The following ERCC6L2 variants were observed in gnomAD, a reference collection of about 807,000 sequenced individuals.
The protein encoded by ERCC6L2 is ERCC excision repair 6 like 2.
Under a neutral mutation model 132.0 loss-of-function variants are expected in ERCC6L2, and 77 were observed. The observed-to-expected ratio is 0.58, with a 90% CI of 0.49 to 0.71. ERCC6L2 has a LOEUF of 0.71. Ranked by LOEUF, ERCC6L2 falls within the 30% of genes least tolerant of loss-of-function variation. The pLI is 0.00. For synonymous variants in ERCC6L2, 583 were observed against 632.4 expected, an observed-to-expected ratio of 0.92 and a Z score of 1.17; for missense variants, 1,542 against 1,837.6, an observed-to-expected ratio of 0.84 and a Z score of 2.94.
intron 19 of ERCC6L2, among the ~76,000 whole-genome samples, chr9:96,036,996 G>A (rs1834528209): frequency 6.6e-6 from 1 of 151,586 alleles, no homozygotes. Context: ...TCGATCTCCT[G>A]ACCTCGTGAT....
intron 6 of ERCC6L2, among the ~76,000 whole-genome samples, chr9:95,918,928 C>T (rs377362941): frequency 6.6e-6 from 1 of 151,894 alleles, no homozygotes; most frequent in African/African-American, 2.4e-5. Flanking sequence ...AGTGCAGTGG[C>T]GTGATCTTGG....
intron 13 of ERCC6L2, among the ~76,000 whole-genome samples, chr9:95,957,921 C>T (rs1016616701): frequency 1.1e-4 from 17 of 151,150 alleles, no homozygotes; most frequent in Non-Finnish European, 5.9e-5. Flanking sequence ...TACATGTGCA[C>T]AATGTGCAGG....
At chr9:95,979,303 C>T (rs1188383264) in intron 17 of ERCC6L2, among the ~76,000 whole-genome samples, 1 of 152,148 alleles carries the variant, frequency 6.6e-6, no homozygotes, top group African/African-American at 2.4e-5. Context: ...TTCCAAATGG[C>T]TATCCTGGAC....
chr9:96,001,220 G>A (rs1217641738), intron 17 of ERCC6L2, among the ~76,000 whole-genome samples: 2 of 152,176 alleles, frequency 1.3e-5, no homozygotes, highest in Non-Finnish European at 2.9e-5. Context: ...ATTGCAAAGA[G>A]CGAAAGAACA....
At chr9:95,927,531 A>T (rs187627132) in intron 9 of ERCC6L2, among the ~76,000 whole-genome samples, 258 of 152,280 alleles carry the variant, frequency 1.7e-3, no homozygotes, top group African/African-American at 5.9e-3. Context: ...TTGAGGTCAA[A>T]ATCAAATCTG....
intron 17 of ERCC6L2, among the ~76,000 whole-genome samples, chr9:96,002,539 A>C (rs1343963504): frequency 6.6e-6 from 1 of 151,154 alleles, no homozygotes; most frequent in South Asian, 2.1e-4. Flanking sequence ...CTCCCACCTC[A>C]GCCTCCAGAG....
chr9:96,018,312 A>G lies in ERCC6L2; in HGVS notation c.*5109A>G, dbSNP rs1001670720. Among the ~76,000 whole-genome samples the G allele has an allele frequency of 4.6e-5, 7 of 152,318 alleles. No homozygotes were observed. Among genetic ancestry groups the G allele is most frequent in the East Asian group, 1.9e-4 (1 of 5,194 alleles). ...CACCTCTCCAGAATGTGTGTTATAT[A>G]CCAAATTTTGATGTATGTGAGATTG... On this transcript the variant is annotated 3_prime_UTR_variant, in exon 19 of 19. Transcript: ENST00000653738.
At chr9:95,904,720 G>A (rs1214229590) in intron 3 of ERCC6L2, among the ~76,000 whole-genome samples, 1 of 152,098 alleles carries the variant, frequency 6.6e-6, no homozygotes. Flanking sequence ...CACAAAAATT[G>A]TCACGTTAAT....
chr9:95,968,434 A>G (rs1024507242), intron 14 of ERCC6L2: 3 of 152,150 alleles, frequency 2.0e-5, no homozygotes, highest in African/African-American at 7.2e-5. Context: ...TTTGTCATCA[A>G]TCAGAATGTA....
intron 14 of ERCC6L2, chr9:95,968,749 C>G (rs1325412734): frequency 2.6e-5 from 4 of 152,020 alleles, no homozygotes; most frequent in African/African-American, 4.8e-5. Context: ...GTTCATTTTA[C>G]AAGTATTTGT....
intron 12 of ERCC6L2, among the ~76,000 whole-genome samples, chr9:95,942,722 A>T (rs1474464671): frequency 2.0e-5 from 3 of 152,202 alleles, no homozygotes; most frequent in Non-Finnish European, 4.4e-5. Context: ...ATGAACAGAG[A>T]CTGGAGGACG....
At chr9:95,959,397 T>TC in intron 13 of ERCC6L2, among the ~76,000 whole-genome samples, 1 of 151,962 alleles carries the variant, frequency 6.6e-6, no homozygotes, top group Admixed American at 6.6e-5. Flanking sequence ...GATTAAAGAC[T>TC]TAAACGTTAG....
chr9:95,991,888 T>G (rs956076079), intron 17 of ERCC6L2, among the ~76,000 whole-genome samples: 2 of 152,212 alleles, frequency 1.3e-5, no homozygotes, highest in Non-Finnish European at 2.9e-5. Context: ...TATAAAAATT[T>G]TACTGAAAGG....
intron 11 of ERCC6L2, among the ~76,000 whole-genome samples, chr9:95,938,353 C>T (rs1351702658): frequency 3.3e-5 from 5 of 151,848 alleles, no homozygotes; most frequent in South Asian, 4.2e-4. Context: ...GAGTGTTCTG[C>T]GTATGTCATT....
At chr9:96,039,608 G>A (rs1324284331) in intron 20 of ERCC6L2, among the ~76,000 whole-genome samples, 5 of 152,060 alleles carry the variant, frequency 3.3e-5, no homozygotes, top group Non-Finnish European at 4.4e-5. Context: ...CTCAACTTAC[G>A]GGGGAGTGGT....
At chr9:95,973,535 G>A (rs559416780) in intron 16 of ERCC6L2, among the ~76,000 whole-genome samples, 1 of 152,260 alleles carries the variant, frequency 6.6e-6, no homozygotes, top group African/African-American at 2.4e-5. Flanking sequence ...AGGCAGTGAG[G>A]AGCAAGTCAT....
Position 95,875,917 on chromosome 9 carries a change from A to G in ERCC6L2, c.-122A>G. 1 of 1,074,314 alleles carries G rather than the reference A, an allele frequency of 9.3e-7. No homozygotes were observed. Among genetic ancestry groups the G allele is most frequent in the Non-Finnish European group, 1.4e-6 (1 of 735,502 alleles). The allele number at this position is 1,074,314 out of a possible 1,614,324, so 66.5% of individuals were successfully genotyped here. ...TGTGGCTTCGGGTTGCCGAAGAGCG[A>G]TGCTCGGAGGGCGGCCGGAAGTGGC... On this transcript the variant is annotated 5_prime_UTR_variant, in exon 1 of 19. It removes an upstream start codon present in the reference 5' UTR. Transcript: ENST00000653738.
chr9:95,954,485 T>G (rs1831500575), intron 12 of ERCC6L2, among the ~76,000 whole-genome samples: 1 of 152,198 alleles, frequency 6.6e-6, no homozygotes, highest in Non-Finnish European at 1.5e-5. Context: ...GCTAATGACC[T>G]ACCTATCGTA....
intron 6 of ERCC6L2, among the ~76,000 whole-genome samples, chr9:95,916,684 CTT>C (rs1360979308): frequency 2.3e-4 from 32 of 137,212 alleles, no homozygotes; most frequent in Non-Finnish European, 2.7e-4. Flanking sequence ...TCATCAAAAC[CTT>C]TTTTTTTTTT....
Sources: gnomAD v4.1 joint callset for allele counts (sites outside exome capture counted in the v4.1 genomes callset) on GRCh38, gnomAD v4.1.1 for gene constraint, MANE v1.5 for transcripts, NCBI Gene and HGNC (gene_info 2026-07-23, HGNC 2026-07-21) for gene names.